Variants in ARL5B observed in about 807,000 individuals in gnomAD.
The protein encoded by ARL5B is ADP-ribosylation factor-like protein 5B.
Under a neutral mutation model 26.9 loss-of-function variants are expected in ARL5B, and 10 were observed. That is an observed-to-expected ratio of 0.37 (90% CI 0.23 to 0.63). The LOEUF (loss-of-function observed/expected upper bound fraction) is 0.63, where lower values mean the gene tolerates loss of function less well. Ranked by LOEUF, ARL5B falls within the 30% of genes least tolerant of loss-of-function variation. The probability of loss-of-function intolerance (pLI) is 0.62; values close to 1 mark genes in which losing one functional copy is unlikely to be tolerated. For synonymous variants in ARL5B, 87 were observed against 70.4 expected (o/e 1.24, Z -1.18); for missense variants, 167 against 213.9 (o/e 0.78, Z 1.37).
rs1195390250 is a variant in ARL5B at position 18,668,598 on chromosome 10, A to G, written c.176A>G (p.Asn59Ser). The G allele has an allele frequency of 1.2e-6, 2 of 1,614,010 alleles. No individual in the cohort carries two copies. Among genetic ancestry groups the G allele is most frequent in the Non-Finnish European group, 1.7e-6 (2 of 1,180,012 alleles). Residue 59 changes from asparagine (N) to serine (S), a missense_variant, in exon 3 of 6, where the codon AAC (asparagine) becomes AGC (serine). By Grantham distance (46) the Asn-to-Ser change is conservative. Coordinates refer to ENST00000377275, the MANE Select transcript of ARL5B (RefSeq NM_178815.5). ...AATGTTGAAGAAATAGTTGTGAAGAACACTCATTTTCTTATGTGGGATATT... is the reference window on the plus strand; with the variant it reads ...AATGTTGAAGAAATAGTTGTGAAGAGCACTCATTTTCTTATGTGGGATATT... ...GSNVEEIVVK[N>S]THFLMWDIGG...
chr10:18,678,365 C>A lies in ARL5B; in HGVS notation c.*3149C>A. 6.6e-6 allele frequency: 1 copy of A among 151,670 alleles called. No individual in the cohort carries two copies. The highest frequency in any genetic ancestry group is 1.5e-5 in the Non-Finnish European group (1 of 67,754). The allele number at this position is 151,670 out of a possible 1,614,324, so 9.4% of individuals were successfully genotyped here. ...GTCATTTTGATTAAGCATAATTTAA[C>A]TTTCATTATAGCATAAAGAGAAAAT... On this transcript the variant is annotated 3_prime_UTR_variant, in exon 6 of 6. Coordinates refer to ENST00000377275, the MANE Select transcript of ARL5B (RefSeq NM_178815.5).
Position 18,677,968 on chromosome 10 carries a change from A to G in ARL5B, c.*2752A>G, listed in dbSNP as rs2059917298. 6.6e-6 allele frequency: 1 copy of G among 151,826 alleles called. No homozygotes were observed. Among genetic ancestry groups the G allele is most frequent in the African/African-American group, 2.4e-5 (1 of 41,408 alleles). The allele number at this position is 151,826 out of a possible 1,614,324, so 9.4% of individuals were successfully genotyped here. On this transcript the variant is annotated 3_prime_UTR_variant, in exon 6 of 6. Coordinates refer to ENST00000377275, the MANE Select transcript of ARL5B (RefSeq NM_178815.5). The stretch of plus-strand genomic sequence containing the variant: ...GAAATCTTTTAAGTATGTTATAACC[A>G]AAGTGTTCAATTATCCTTGCAAGTT...
Position 18,677,239 on chromosome 10 carries a change from T to C in ARL5B, c.*2023T>C, listed in dbSNP as rs1395512346. 1 of 152,132 alleles carries C rather than the reference T, an allele frequency of 6.6e-6. No homozygotes were observed. The highest frequency in any genetic ancestry group is 1.5e-5 in the Non-Finnish European group (1 of 67,812). The allele number at this position is 152,132 out of a possible 1,614,324, so 9.4% of individuals were successfully genotyped here. A position where few individuals can be genotyped will look rare whatever the true frequency, so the allele number is the denominator to read the frequency against. On this transcript the variant is annotated 3_prime_UTR_variant, in exon 6 of 6. Coordinates refer to ENST00000377275, the MANE Select transcript of ARL5B (RefSeq NM_178815.5). ...TATCTAGTAAGATTGGCTGGCTCAA[T>C]TTTCTTCTGTCAAATTATATGGTTA...
At chr10:18,661,851 G>T (rs1480938192) in intron 1 of ARL5B, among the ~76,000 whole-genome samples, 1 of 152,162 alleles carries the variant, frequency 6.6e-6, no homozygotes, top group African/African-American at 2.4e-5. Context: ...AGCTAGTTTG[G>T]TACTTTTAGG....
rs1229158539 is a variant in ARL5B at position 18,681,599 on chromosome 10, C to T, written c.*6383C>T. The T allele has an allele frequency of 3.3e-5, 5 of 152,158 alleles. No individual in the cohort carries two copies. The highest frequency in any genetic ancestry group is 2.9e-5 in the Non-Finnish European group (2 of 68,024). 9.4% of individuals were successfully genotyped at this position (152,158 alleles called of 1,614,324 possible). A position where few individuals can be genotyped will look rare whatever the true frequency, so the allele number is the denominator to read the frequency against. On this transcript the variant is annotated 3_prime_UTR_variant, in exon 6 of 6. Transcript: ENST00000377275. ...GTAACATTCATTTGTTTTCATTCAA[C>T]AGTTTTATTTTTGTCATAATAAATA...
At chr10:18,674,871 C>A (rs777830849) in intron 5 of ARL5B, among the ~76,000 whole-genome samples, 1 of 152,046 alleles carries the variant, frequency 6.6e-6, no homozygotes, top group Non-Finnish European at 1.5e-5. Flanking sequence ...TTTCTCCAGT[C>A]GTTAAGTTTC....
At chr10:18,670,865 A>G (rs7072624) in intron 3 of ARL5B, among the ~76,000 whole-genome samples, 31,463 of 152,084 alleles carry the variant, frequency 0.21, 3,539 homozygotes, top group South Asian at 0.31. Context: ...TACTGATGCC[A>G]TTTGCATGAA....
Position 18,659,503 on chromosome 10 carries a change from C to G in ARL5B, c.-135C>G, listed in dbSNP as rs917786446. 8.5e-7 allele frequency: 1 copy of G among 1,178,210 alleles called. No individual in the cohort carries two copies. The highest frequency in any genetic ancestry group is 1.1e-6 in the Non-Finnish European group (1 of 875,332). The allele number at this position is 1,178,210 out of a possible 1,614,324, so 73.0% of individuals were successfully genotyped here. ...CTTCTGAGTGGTCGGGTCGAGGCTT[C>G]TCGGCCTAGCAGTGCCCTCGCTGCG... On this transcript the variant is annotated 5_prime_UTR_variant, in exon 1 of 6. Coordinates refer to ENST00000377275, the MANE Select transcript of ARL5B (RefSeq NM_178815.5).
chr10:18,670,756 C>A (rs1161833674), intron 3 of ARL5B, among the ~76,000 whole-genome samples: 3 of 152,172 alleles, frequency 2.0e-5, no homozygotes, highest in African/African-American at 7.2e-5. Flanking sequence ...AAAGTTGATT[C>A]TAGTGAATCC....
intron 5 of ARL5B, 118 bp downstream of exon 5, chr10:18,674,253 G>A (rs1458730277): frequency 2.1e-6 from 2 of 964,788 alleles, no homozygotes; most frequent in East Asian, 3.0e-5. Context: ...CTTAATTAAA[G>A]GTGACTTTTA....
At position 18,681,375 on chromosome 10, in the gene ARL5B, T is replaced by G. The variant is rs1330185283; in HGVS notation, c.*6159T>G. 6.6e-6 allele frequency: 1 copy of G among 152,242 alleles called. No homozygotes were observed. The highest frequency in any genetic ancestry group is 2.4e-5 in the African/African-American group (1 of 41,472). The allele number at this position is 152,242 out of a possible 1,614,324, so 9.4% of individuals were successfully genotyped here. On this transcript the variant is annotated 3_prime_UTR_variant, in exon 6 of 6. Transcript: ENST00000377275. ...GTTTAAATGACATGTTTTAAAGTTTTTAATACTTTATTAGTTATGAAGTGC... is the reference window on the plus strand; with the variant it reads ...GTTTAAATGACATGTTTTAAAGTTTGTAATACTTTATTAGTTATGAAGTGC...
intron 1 of ARL5B, chr10:18,659,993 C>T (rs2059821831): frequency 2.1e-6 from 2 of 956,706 alleles, no homozygotes; most frequent in East Asian, 2.3e-4. Context: ...GGGCCTTTCT[C>T]GTCTTTATTG....
At position 18,670,201 on chromosome 10, in the gene ARL5B, T is replaced by C. The variant is rs557606768; in HGVS notation, c.255+1524T>C. 5.9e-5 allele frequency among the ~76,000 whole-genome samples: 9 copies of C among 152,204 alleles called. No individual in the cohort carries two copies. The East Asian group carries it at 1.7e-3, about 29-fold the overall frequency. The stretch of plus-strand genomic sequence containing the variant: ...GCGTATCATAGATAATCAGAACTTG[T>C]GGTAGCACTGAATTATTTTATTGGG... On this transcript the variant is annotated intron_variant, in intron 3 of 5. Transcript: ENST00000377275.
intron 2 of ARL5B, among the ~76,000 whole-genome samples, chr10:18,667,022 C>G (rs1015542981): frequency 2.1e-5 from 2 of 96,948 alleles, no homozygotes; most frequent in Non-Finnish European, 4.5e-5. Flanking sequence ...TTTAACATAG[C>G]CAGACTTGTC....
At chr10:18,664,699 A>G (rs1437552148) in intron 1 of ARL5B, among the ~76,000 whole-genome samples, 1 of 152,132 alleles carries the variant, frequency 6.6e-6, no homozygotes, top group East Asian at 1.9e-4. Flanking sequence ...CGGCCTCCCA[A>G]AGTGCTAAGA....
chr10:18,670,756 C>T (rs1161833674), intron 3 of ARL5B, among the ~76,000 whole-genome samples: 1 of 152,172 alleles, frequency 6.6e-6, no homozygotes, highest in African/African-American at 2.4e-5. Flanking sequence ...AAAGTTGATT[C>T]TAGTGAATCC....
rs754014770 is a variant in ARL5B, at chr10:18,672,721, A to G, written c.339+16A>G. 6.4e-7 allele frequency: 1 copy of G among 1,563,410 alleles called. No homozygotes were observed. The highest frequency in any genetic ancestry group is 8.8e-7 in the Non-Finnish European group (1 of 1,139,324). On this transcript the variant is annotated intron_variant, in intron 4 of 5. Transcript: ENST00000377275. ...GGCTCATGAGGTAAATTTTTAAAGT[A>G]AATCTTTAAAAAACAGTGTAGTAAA...
chr10:18,667,110 C>G (rs1453151891), intron 2 of ARL5B, among the ~76,000 whole-genome samples: 1 of 152,206 alleles, frequency 6.6e-6, no homozygotes, highest in Non-Finnish European at 1.5e-5. Context: ...TCAGAGAAAT[C>G]TGTTAATACC....
chr10:18,662,272 G>A (rs1242407306), intron 1 of ARL5B, among the ~76,000 whole-genome samples: 2 of 152,200 alleles, frequency 1.3e-5, no homozygotes, highest in African/African-American at 4.8e-5. Context: ...CTTACTTTAT[G>A]TGCTCCTTTC....
Sources: gnomAD v4.1 joint callset for allele counts (sites outside exome capture counted in the v4.1 genomes callset) on GRCh38, gnomAD v4.1.1 for gene constraint, MANE v1.5 for transcripts, NCBI Gene and HGNC (gene_info 2026-07-23, HGNC 2026-07-21) for gene names.